LRRTM4: variants seen among roughly 807,000 people sequenced by gnomAD.
LRRTM4 encodes leucine-rich repeat transmembrane neuronal protein 4.
LRRTM4 carries 25 observed loss-of-function variants against 47.6 expected under a neutral mutation model. The observed-to-expected ratio is 0.53, with a 90% CI of 0.38 to 0.73. LRRTM4 has a LOEUF of 0.73. Among genes scored for constraint, LRRTM4 ranks in the 30% least tolerant of loss-of-function variants. LRRTM4 has a pLI of 0.00. For synonymous variants in LRRTM4, 311 were observed against 269.5 expected, an observed-to-expected ratio of 1.15 and a Z score of -1.51; for missense variants, 638 against 713.4, an observed-to-expected ratio of 0.89 and a Z score of 1.20.
chr2:77,257,368 A>G (rs1478352809), intron 3 of LRRTM4, among the ~76,000 whole-genome samples: 1 of 152,092 alleles, frequency 6.6e-6, no homozygotes, highest in African/African-American at 2.4e-5. Flanking sequence ...AGTGCAAAAT[A>G]AACTTTATAA....
At chr2:77,410,443 A>C (rs2103857609) in intron 3 of LRRTM4, among the ~76,000 whole-genome samples, 1 of 152,292 alleles carries the variant, frequency 6.6e-6, no homozygotes. Flanking sequence ...TTTCCCTATT[A>C]AATTGAAATT....
At chr2:77,437,277 C>A (rs1675639552) in intron 3 of LRRTM4, among the ~76,000 whole-genome samples, 1 of 151,940 alleles carries the variant, frequency 6.6e-6, no homozygotes, top group African/African-American at 2.4e-5. Context: ...CCATTCTGAG[C>A]AGGCAAGCAT....
chr2:77,073,335 A>G (rs1032465457), intron 3 of LRRTM4, among the ~76,000 whole-genome samples: 15 of 152,160 alleles, frequency 9.9e-5, no homozygotes, highest in Admixed American at 9.8e-4. Flanking sequence ...CAGAAATTAA[A>G]TACTATCCAA....
intron 3 of LRRTM4, among the ~76,000 whole-genome samples, chr2:77,034,136 A>T (rs1470929362): frequency 6.6e-6 from 1 of 151,888 alleles, no homozygotes; most frequent in Non-Finnish European, 1.5e-5. Flanking sequence ...AAAGATTTCA[A>T]AGCATTTTCA....
intron 3 of LRRTM4, among the ~76,000 whole-genome samples, chr2:77,189,239 C>A (rs114565944): frequency 0.013 from 1,902 of 152,124 alleles, 40 homozygotes; most frequent in African/African-American, 0.044. Flanking sequence ...AAATATTTGC[C>A]CTCAAATGCT....
chr2:76,796,998 C>T (rs1460353568), intron 3 of LRRTM4, among the ~76,000 whole-genome samples: 1 of 151,992 alleles, frequency 6.6e-6, no homozygotes, highest in African/African-American at 2.4e-5. Flanking sequence ...ATTGGAGTAC[C>T]TGAAAGTGAT....
intron 3 of LRRTM4, among the ~76,000 whole-genome samples, chr2:77,455,997 G>GTAGA (rs1676523110): frequency 6.6e-6 from 1 of 151,964 alleles, no homozygotes; most frequent in South Asian, 2.1e-4. Flanking sequence ...CTAGATTGAT[G>GTAGA]TAGACTCTCT....
At chr2:77,066,890 G>T (rs1679973871) in intron 3 of LRRTM4, among the ~76,000 whole-genome samples, 1 of 152,202 alleles carries the variant, frequency 6.6e-6, no homozygotes, top group Non-Finnish European at 1.5e-5. Context: ...CAGTACCCAT[G>T]CATGGCTGGC....
rs139896028 is a variant in LRRTM4, at chr2:76,821,620, C to A, written c.1552-72704G>T. Among the ~76,000 whole-genome samples the A allele has an allele frequency of 2.9e-3, 435 of 151,820 alleles. 1 individual carries two copies. The highest frequency in any genetic ancestry group is 4.9e-3 in the Non-Finnish European group (332 of 67,784). ...AAAATAAAAATAACCAATATCAACA[C>A]TGCTGGCAATGCCTGGCATGGAGCA... On this transcript the variant is annotated intron_variant, in intron 3 of 3. Transcript: ENST00000409884.
chr2:76,944,937 G>C (rs936892941), intron 3 of LRRTM4, among the ~76,000 whole-genome samples: 2 of 152,068 alleles, frequency 1.3e-5, no homozygotes, highest in African/African-American at 4.8e-5. Flanking sequence ...GAAGATGACA[G>C]AGCTTCCTTG....
intron 3 of LRRTM4, among the ~76,000 whole-genome samples, chr2:76,813,212 A>G (rs1030859186): frequency 6.6e-6 from 1 of 152,124 alleles, no homozygotes; most frequent in Non-Finnish European, 1.5e-5. Flanking sequence ...ATACATGTAT[A>G]TGTGTATATA....
At chr2:77,508,030 G>A (rs1246383360) in intron 3 of LRRTM4, among the ~76,000 whole-genome samples, 1 of 152,052 alleles carries the variant, frequency 6.6e-6, no homozygotes, top group East Asian at 1.9e-4. Context: ...GTGAACAGAA[G>A]TCTAATTTGA....
chr2:77,135,947 T>G (rs1297025573), intron 3 of LRRTM4, among the ~76,000 whole-genome samples: 1 of 152,050 alleles, frequency 6.6e-6, no homozygotes, highest in African/African-American at 2.4e-5. Flanking sequence ...ATTGTTTTCA[T>G]ATTACTATCA....
chr2:76,923,433 A>C (rs1427650143), intron 3 of LRRTM4, among the ~76,000 whole-genome samples: 1 of 152,024 alleles, frequency 6.6e-6, no homozygotes, highest in African/African-American at 2.4e-5. Flanking sequence ...GAAGGTAATA[A>C]ATACTCAAAA....
chr2:76,882,427 C>T (rs1672958570), intron 3 of LRRTM4, among the ~76,000 whole-genome samples: 1 of 151,942 alleles, frequency 6.6e-6, no homozygotes, highest in Admixed American at 6.6e-5. Context: ...CACGGTGGCT[C>T]ACATCTGTAA....
intron 3 of LRRTM4, among the ~76,000 whole-genome samples, chr2:77,288,755 A>G (rs1253989168): frequency 1.3e-5 from 2 of 152,082 alleles, no homozygotes; most frequent in Non-Finnish European, 2.9e-5. Context: ...ATACTATGAT[A>G]TGTTCAAACT....
chr2:77,178,277 T>C (rs1470232166), intron 3 of LRRTM4, among the ~76,000 whole-genome samples: 1 of 152,128 alleles, frequency 6.6e-6, no homozygotes, highest in East Asian at 1.9e-4. Context: ...TTTGAAATAA[T>C]TCTGGGTATA....
intron 3 of LRRTM4, among the ~76,000 whole-genome samples, chr2:76,837,404 T>A (rs888015613): frequency 6.6e-6 from 1 of 152,098 alleles, no homozygotes; most frequent in African/African-American, 2.4e-5. Flanking sequence ...ATCTTAGTTA[T>A]TTCTTGCCTT....
rs184252739 is a variant in LRRTM4, at chr2:77,069,474, G to A, written c.1552-320558C>T. Among the ~76,000 whole-genome samples the A allele has an allele frequency of 6.7e-5, 10 of 150,100 alleles. No individual in the cohort carries two copies. In the Admixed American group the frequency reaches 6.7e-4, roughly 10 times the overall value. ...TGGAAGAGTTCAAGAAGGATTTGTG[G>A]CAATTCTGTTTTTAAATATTTGGTA... On this transcript the variant is annotated intron_variant, in intron 3 of 3. Coordinates refer to ENST00000409884, the MANE Select transcript of LRRTM4 (RefSeq NM_001134745.3).
Sources: allele counts gnomAD v4.1 joint callset (sites outside exome capture counted in the v4.1 genomes callset), GRCh38; gene constraint gnomAD v4.1.1; transcripts MANE v1.5; gene names NCBI Gene and HGNC (gene_info 2026-07-23, HGNC 2026-07-21).